ARB2A: variants seen among roughly 807,000 people sequenced by gnomAD.
ARB2A encodes ARB2 cotranscriptional regulator A.
At chr5:93,664,396 C>T in the ARB2A span, among the ~76,000 whole-genome samples, 2 of 151,968 alleles carry the variant, frequency 1.3e-5, no homozygotes, top group Admixed American at 1.3e-4. Context: ...GGCCATCACA[C>T]CTGGGCTATA....
At chr5:93,988,611 CT>C in the ARB2A span, among the ~76,000 whole-genome samples, 5 of 152,174 alleles carry the variant, frequency 3.3e-5, no homozygotes, top group African/African-American at 4.8e-5. Context: ...TGACACCAGA[CT>C]TTAAATTTTC....
At chr5:93,860,236 T>C in the ARB2A span, among the ~76,000 whole-genome samples, 1 of 152,112 alleles carries the variant, frequency 6.6e-6, no homozygotes, top group Non-Finnish European at 1.5e-5. Flanking sequence ...GAGCTTGCAG[T>C]GAGCCAAGAT....
the ARB2A span, among the ~76,000 whole-genome samples, chr5:93,705,609 A>ATGTGTGTGTGTG: frequency 0.022 from 2,831 of 128,172 alleles, 35 homozygotes; most frequent in Non-Finnish European, 0.038. Context: ...TTGGGAAAAA[A>ATGTGTGTGTGTG]TGTGTGTGTG....
At chr5:93,946,348 G>A in the ARB2A span, among the ~76,000 whole-genome samples, 1 of 152,046 alleles carries the variant, frequency 6.6e-6, no homozygotes, top group Admixed American at 6.5e-5. Flanking sequence ...TCCAGAGGAA[G>A]AACATGAAAC....
chr5:93,682,926 C>T, the ARB2A span: 2 of 1,575,324 alleles, frequency 1.3e-6, no homozygotes, highest in African/African-American at 1.3e-5. Context: ...ATGAATTTGG[C>T]TTCCACTTTG....
At chr5:93,811,550 A>T in the ARB2A span, among the ~76,000 whole-genome samples, 1 of 152,162 alleles carries the variant, frequency 6.6e-6, no homozygotes, top group Non-Finnish European at 1.5e-5. Context: ...TCTGAGGGTT[A>T]AAAGTCACTA....
the ARB2A span, among the ~76,000 whole-genome samples, chr5:93,692,447 A>G: frequency 6.6e-6 from 1 of 152,228 alleles, no homozygotes; most frequent in East Asian, 1.9e-4. Context: ...AAAAGAGACA[A>G]AAAAGGGCAT....
chr5:93,740,713 G>T, the ARB2A span: 3 of 1,613,520 alleles, frequency 1.9e-6, no homozygotes, highest in Non-Finnish European at 2.5e-6. Flanking sequence ...TCCTGGGCAA[G>T]GAGGCCCGGC....
the ARB2A span, among the ~76,000 whole-genome samples, chr5:94,027,033 G>T: frequency 1.3e-5 from 2 of 152,154 alleles, no homozygotes; most frequent in Non-Finnish European, 2.9e-5. Context: ...AAGGATGCTG[G>T]CAGTAGACAT....
chr5:93,668,760 TTATCA>T, the ARB2A span, among the ~76,000 whole-genome samples: 2 of 152,228 alleles, frequency 1.3e-5, no homozygotes, highest in Non-Finnish European at 2.9e-5. Context: ...AAAGCTATTC[TTATCA>T]AAGTCTTCTC....
the ARB2A span, among the ~76,000 whole-genome samples, chr5:93,685,503 C>T: frequency 2.0e-5 from 3 of 152,118 alleles, no homozygotes; most frequent in East Asian, 3.8e-4. Flanking sequence ...ATAAAATATT[C>T]ACAAGCCCTT....
the ARB2A span, among the ~76,000 whole-genome samples, chr5:93,941,032 T>C: frequency 1.3e-5 from 2 of 152,182 alleles, no homozygotes; most frequent in African/African-American, 4.8e-5. Flanking sequence ...CTATCTTTAA[T>C]GTTTTGAATT....
chr5:93,704,010 T>G, the ARB2A span, among the ~76,000 whole-genome samples: 1 of 152,122 alleles, frequency 6.6e-6, no homozygotes, highest in African/African-American at 2.4e-5. Flanking sequence ...CATGGGGCTG[T>G]TAAAGGTCGA....
the ARB2A span, among the ~76,000 whole-genome samples, chr5:94,041,003 G>A: frequency 6.6e-5 from 10 of 152,238 alleles, no homozygotes; most frequent in South Asian, 4.2e-4. Context: ...TACTAGGGCC[G>A]CTGAGGAAAA....
At chr5:93,922,210 A>C in the ARB2A span, among the ~76,000 whole-genome samples, 1 of 152,306 alleles carries the variant, frequency 6.6e-6, no homozygotes, top group East Asian at 1.9e-4. Flanking sequence ...ACCTGTGTCC[A>C]GATGTTGTGC....
the ARB2A span, among the ~76,000 whole-genome samples, chr5:93,720,333 T>C: frequency 5.3e-5 from 8 of 152,218 alleles, no homozygotes; most frequent in Non-Finnish European, 1.2e-4. Context: ...AATTCAATCA[T>C]TATATTGGGC....
chr5:93,993,523 C>T, the ARB2A span, among the ~76,000 whole-genome samples: 1 of 152,078 alleles, frequency 6.6e-6, no homozygotes, highest in Non-Finnish European at 1.5e-5. Context: ...TTCACGTCAT[C>T]CACTATAAAA....
At chr5:93,719,766 T>A in the ARB2A span, among the ~76,000 whole-genome samples, 1 of 152,186 alleles carries the variant, frequency 6.6e-6, no homozygotes, top group African/African-American at 2.4e-5. Context: ...CCATCTACTA[T>A]CTATCTCCAA....
chr5:93,947,602 G>A, the ARB2A span, among the ~76,000 whole-genome samples: 25 of 147,398 alleles, frequency 1.7e-4, no homozygotes, highest in East Asian at 8.1e-4. Flanking sequence ...TGCCATGCTG[G>A]TGTGCTGCAC....
Sources: allele counts gnomAD v4.1 joint callset (sites outside exome capture counted in the v4.1 genomes callset), GRCh38; gene constraint gnomAD v4.1.1; transcripts MANE v1.5; gene names NCBI Gene and HGNC (gene_info 2026-07-23, HGNC 2026-07-21).